U2SURP: variants seen among roughly 807,000 people sequenced by gnomAD.
The protein encoded by U2SURP is U2 snRNP-associated SURP motif-containing protein.
In U2SURP, 9 loss-of-function variants were observed where a neutral mutation model predicts 144.9. The observed-to-expected ratio is 0.06, with a 90% confidence interval of 0.04 to 0.11. The LOEUF is 0.11. U2SURP is among the 10% of genes least tolerant of loss of function. The pLI, the probability that U2SURP is intolerant of heterozygous loss-of-function variation, is 1.00. For synonymous variants in U2SURP, 408 were observed against 396.8 expected, an observed-to-expected ratio of 1.03 and a Z score of -0.33; for missense variants, 724 against 1,226.7, an observed-to-expected ratio of 0.59 and a Z score of 6.12.
intron 12 of U2SURP, 119 bp from the exon 13 acceptor site, chr3:143,023,856 C>A (rs1222424474): frequency 1.2e-6 from 1 of 867,222 alleles, no homozygotes; most frequent in Non-Finnish European, 1.9e-6. Context: ...GCAGTGATTG[C>A]CTGCAAAACT....
chr3:143,056,519 TA>T lies in U2SURP; in HGVS notation c.*76del, dbSNP rs544101182. On this transcript the variant is annotated 3_prime_UTR_variant, in exon 28 of 28. Transcript: ENST00000473835. Reference sequence around the variant, plus strand: ...TTTTGTGCCTGAACGGTCTGTTTTTTAAAAAAACAAAAAATCAAATGAAAGA... The same window carrying T: ...TTTTGTGCCTGAACGGTCTGTTTTTTAAAAAACAAAAAATCAAATGAAAGA... 1 of 1,554,862 alleles carries T rather than the reference TA, an allele frequency of 6.4e-7. No homozygotes were observed. Among genetic ancestry groups the T allele is most frequent in the East Asian group, 2.3e-5 (1 of 44,194 alleles).
At chr3:143,002,898 C>A (rs560100279) in intron 1 of U2SURP, among the ~76,000 whole-genome samples, 1 of 149,262 alleles carries the variant, frequency 6.7e-6, no homozygotes, top group Non-Finnish European at 1.5e-5. Flanking sequence ...AGTTTTTTTT[C>A]CCCCTCCTCA....
At position 143,012,645 on chromosome 3, in the gene U2SURP, A is replaced by G. The variant is rs531801055; in HGVS notation, c.222+292A>G. 2.0e-5 allele frequency among the ~76,000 whole-genome samples: 3 copies of G among 152,302 alleles called. No homozygotes were observed. The Middle Eastern group carries it at 0.01, about 518-fold the overall frequency. ...CAAGTTTATCTTTCCCCACTTAAAC[A>G]TTTATTGAACCAAGTGCGAAATACC... On this transcript the variant is annotated intron_variant, in intron 3 of 27. Transcript: ENST00000473835.
intron 11 of U2SURP, 60 bp downstream of exon 11, chr3:143,022,722 AT>A (rs1932910042): frequency 6.6e-7 from 1 of 1,516,106 alleles, no homozygotes; most frequent in Non-Finnish European, 8.9e-7. Context: ...TTGGAAAAGT[AT>A]TTATAAAAAC....
In U2SURP at chr3:143,043,191, C is replaced by T; in HGVS notation, c.2459C>T (p.Pro820Leu). 6.2e-7 allele frequency: 1 copy of T among 1,603,530 alleles called. No homozygotes were observed. Among genetic ancestry groups the T allele is most frequent in the Non-Finnish European group, 8.5e-7 (1 of 1,174,430 alleles). The change falls in exon 24 of 28, where the codon CCA (proline) becomes CTA (leucine). Residue 820 changes from proline (P) to leucine (L), a missense_variant. Pro to Leu is a moderately conservative substitution (Grantham distance 98). Around this residue, in one of 13 missense-constraint regions of U2SURP, gnomAD observed 50 missense variants for 48.0 expected, o/e 1.04. Transcript: ENST00000473835. ...GAAGAACATCATTTGTACTCTAATC[C>T]AATCAAAGAAGAAATGACTGAGTCT... ...KSEEHHLYSN[P>L]IKEEMTESKF...
chr3:143,036,030 C>T lies in U2SURP; in HGVS notation c.1990C>T (p.Pro664Ser), dbSNP rs1247002272. The T allele has an allele frequency of 6.2e-7, 1 of 1,610,122 alleles. No individual in the cohort carries two copies. The highest frequency in any genetic ancestry group is 1.3e-5 in the African/African-American group (1 of 74,862). ...FRAWEDWAIY[P>S]EPFLIKLQNI... ...AGCATGGGAAGATTGGGCAATTTATCCAGAACCATTTTTGATCAAACTACA... is the reference window on the plus strand; with the variant it reads ...AGCATGGGAAGATTGGGCAATTTATTCAGAACCATTTTTGATCAAACTACA... Residue 664 changes from proline to serine, a missense_variant, in exon 20 of 28, where the codon CCA (proline) becomes TCA (serine). Physicochemically the swap from Pro to Ser is moderately conservative, Grantham distance 74. This residue lies in a region of U2SURP where 116 missense variants were observed against 167.9 expected (regional missense o/e 0.69). Coordinates refer to ENST00000473835, the MANE Select transcript of U2SURP (RefSeq NM_001080415.2).
rs1429191863 is a variant in U2SURP, at chr3:143,047,071, A to G, written c.2544+3795A>G. Among the ~76,000 whole-genome samples, 62 of 94,016 alleles carry G rather than the reference A, an allele frequency of 6.6e-4. 3 individuals carry two copies. The highest frequency in any genetic ancestry group is 6.4e-3 in the Admixed American group (60 of 9,378). 61.7% of individuals were successfully genotyped at this position (94,016 alleles called of 152,430 possible). A position where few individuals can be genotyped will look rare whatever the true frequency, so the allele number is the denominator to read the frequency against. On this transcript the variant is annotated intron_variant, in intron 24 of 27. Transcript: ENST00000473835. ...ACTGACCCCCCCACCTCCCTCCCTG[A>G]CGGGGCGGCTGGCCGGGCAGAGGGG... is the stretch of plus-strand genomic sequence containing the variant.
rs1283753746 is a variant in U2SURP, at chr3:143,038,238, A to G, written c.2317+35A>G. ...AGTAAAATAAATATTTTTTAAATTA[A>G]GTACTTGTACGTTAATTATTGGTGT... On this transcript the variant is annotated intron_variant, in intron 22 of 27. Coordinates refer to ENST00000473835, the MANE Select transcript of U2SURP (RefSeq NM_001080415.2). 8 of 1,466,772 alleles carry G rather than the reference A, an allele frequency of 5.5e-6. No homozygotes were observed. The Admixed American group carries it at 1.7e-4, about 31-fold the overall frequency. 90.9% of individuals were successfully genotyped at this position (1,466,772 alleles called of 1,614,324 possible).
intron 18 of U2SURP, 163 bp from the exon 19 acceptor site, chr3:143,034,725 A>G (rs143547688): frequency 1.3e-5 from 7 of 551,208 alleles, no homozygotes; most frequent in African/African-American, 7.6e-5. Flanking sequence ...AGTTCAAGCA[A>G]TTCAGTTACG....
chr3:143,044,700 T>C (rs554026896), intron 24 of U2SURP, among the ~76,000 whole-genome samples: 2 of 152,316 alleles, frequency 1.3e-5, no homozygotes, highest in South Asian at 4.1e-4. Flanking sequence ...ACGGTATTTT[T>C]GAATGCCTAC....
rs1935243226 is a variant in U2SURP at position 143,058,332 on chromosome 3, G to C, written c.*1882G>C. 6.6e-6 allele frequency: 1 copy of C among 151,868 alleles called. No homozygotes were observed. Among genetic ancestry groups the C allele is most frequent in the African/African-American group, 2.4e-5 (1 of 41,422 alleles). 9.4% of individuals were successfully genotyped at this position (151,868 alleles called of 1,614,324 possible). ...GGATGCTTATTTCTCTTCAAAAAAA[G>C]ACATCCTGCGGGATTGAGTAGAAAA... On this transcript the variant is annotated 3_prime_UTR_variant, in exon 28 of 28. Transcript: ENST00000473835.
Position 143,016,822 on chromosome 3 carries a change from CTT to C in U2SURP, c.437-19_437-18del, listed in dbSNP as rs772505026. ...AAATATTGCGAAATTAGTTTTGAAA[CTT>C]AGTATTTTAAATTTCAGAAGAACAT... On this transcript the variant is annotated intron_variant, in intron 5 of 27. Transcript: ENST00000473835. 2 of 1,497,330 alleles carry C rather than the reference CTT, an allele frequency of 1.3e-6. No homozygotes were observed. Among genetic ancestry groups the C allele is most frequent in the South Asian group, 1.4e-5 (1 of 73,030 alleles). 92.8% of individuals were successfully genotyped at this position (1,497,330 alleles called of 1,614,324 possible). A position where few individuals can be genotyped will look rare whatever the true frequency, so the allele number is the denominator to read the frequency against.
chr3:143,038,837 A>G, intron 22 of U2SURP, 57 bp from the exon 23 acceptor site: 1 of 1,299,118 alleles, frequency 7.7e-7, no homozygotes, highest in African/African-American at 1.6e-5. Context: ...CCACTGTACT[A>G]CTGAAAAAAT....
intron 1 of U2SURP, among the ~76,000 whole-genome samples, chr3:143,006,475 G>A (rs916376444): frequency 2.2e-4 from 33 of 152,236 alleles, no homozygotes; most frequent in African/African-American, 7.9e-4. Flanking sequence ...ATTTTTAGCG[G>A]CCGGGCACAG....
chr3:143,045,109 G>T (rs973599963), intron 24 of U2SURP, among the ~76,000 whole-genome samples: 5 of 152,116 alleles, frequency 3.3e-5, no homozygotes, highest in African/African-American at 4.8e-5. Context: ...GGTGGCTCAT[G>T]CCTGTAATCC....
At chr3:143,014,828 T>C (rs886154107) in intron 4 of U2SURP, among the ~76,000 whole-genome samples, 5 of 152,060 alleles carry the variant, frequency 3.3e-5, no homozygotes, top group African/African-American at 1.2e-4. Context: ...TGTGTAGATA[T>C]GCAATCATTT....
At chr3:143,025,189 C>G (rs1301219138) in intron 13 of U2SURP, among the ~76,000 whole-genome samples, 1 of 152,030 alleles carries the variant, frequency 6.6e-6, no homozygotes, top group Non-Finnish European at 1.5e-5. Flanking sequence ...CAGTTACAAG[C>G]CTGTTTAAAA....
chr3:143,033,093 C>T (rs1933597011), intron 17 of U2SURP, 147 bp downstream of exon 17: 3 of 1,004,122 alleles, frequency 3.0e-6, no homozygotes, highest in African/African-American at 3.3e-5. Context: ...GGTTCATTAA[C>T]ATACAAGTTA....
At chr3:143,037,099 A>G (rs1025206075) in intron 20 of U2SURP, 80 bp from the exon 21 acceptor site, 15 of 1,399,860 alleles carry the variant, frequency 1.1e-5, no homozygotes, top group African/African-American at 1.4e-5. Context: ...GTTGGCTTGT[A>G]CTGGATTACA....
Sources: allele counts gnomAD v4.1 joint callset (sites outside exome capture counted in the v4.1 genomes callset), GRCh38; gene constraint gnomAD v4.1.1; regional missense constraint gnomAD v4.1.1; transcripts MANE v1.5; gene names NCBI Gene and HGNC (gene_info 2026-07-23, HGNC 2026-07-21).